The following MYO5C variants were observed in gnomAD, a reference collection of about 807,000 sequenced individuals.
MYO5C encodes the protein unconventional myosin-Vc.
A neutral mutation model predicts 235.7 loss-of-function variants in MYO5C; 194 were observed. That is an observed-to-expected ratio of 0.82 (90% confidence interval 0.73 to 0.93). MYO5C has a LOEUF of 0.93. Ranked by LOEUF, MYO5C falls within the 40% of genes least tolerant of loss-of-function variation. MYO5C has a pLI of 0.00. For missense variants in MYO5C, 2,038 were observed against 2,127.2 expected, an observed-to-expected ratio of 0.96 and a Z score of 0.82; for synonymous variants, 707 against 754.8, an observed-to-expected ratio of 0.94 and a Z score of 1.04.
chr15:52,206,430 C>G (rs1382412334), intron 36 of MYO5C, among the ~76,000 whole-genome samples: 1 of 152,064 alleles, frequency 6.6e-6, no homozygotes, highest in Non-Finnish European at 1.5e-5. Context: ...AAGCCCTAAC[C>G]CCCTAGTGTG....
chr15:52,290,395 TA>T (rs200340658), intron 1 of MYO5C, among the ~76,000 whole-genome samples: 13 of 150,354 alleles, frequency 8.6e-5, no homozygotes, highest in African/African-American at 2.7e-4. Flanking sequence ...TTAGCCAAAT[TA>T]AAAAAAAAAT....
At chr15:52,223,498 A>G (rs778583683) in intron 29 of MYO5C, 46 bp downstream of exon 29, 1 of 1,564,450 alleles carries the variant, frequency 6.4e-7, no homozygotes, top group African/African-American at 1.4e-5. Context: ...ACAAAGAACA[A>G]CTCTAGTATG....
chr15:52,253,605 T>C (rs2036517944), intron 11 of MYO5C, 148 bp from the exon 12 acceptor site: 2 of 754,956 alleles, frequency 2.6e-6, no homozygotes, highest in East Asian at 2.7e-5. Context: ...ACAAGGCCCA[T>C]ACCGTGATCA....
chr15:52,247,664 A>G lies in MYO5C; in HGVS notation c.1747-72T>C, dbSNP rs562773591. ...AGTACTCACTCATACAAGCCACGTAAATGGTGACAACAACTCAGCTAAACT... is the reference window on the plus strand; with the variant it reads ...AGTACTCACTCATACAAGCCACGTAGATGGTGACAACAACTCAGCTAAACT... On this transcript the variant is annotated intron_variant, in intron 14 of 40. Coordinates refer to ENST00000261839, the MANE Select transcript of MYO5C (RefSeq NM_018728.4). 26 of 1,543,268 alleles carry G rather than the reference A, an allele frequency of 1.7e-5. No homozygotes were observed. In the East Asian group the frequency reaches 5.7e-4, roughly 34 times the overall value.
In MYO5C at chr15:52,237,507, T is replaced by C; in HGVS notation, c.2843A>G (p.Lys948Arg). 6.2e-7 allele frequency: 1 copy of C among 1,613,410 alleles called. No homozygotes were observed. Among genetic ancestry groups the C allele is most frequent in the Middle Eastern group, 1.7e-4 (1 of 6,058 alleles). The stretch of plus-strand genomic sequence containing the variant: ...CTCTTCCACAGCATCCCTGTATCTC[T>C]TCCCCTTCTCCTCGTAATTTCGCCT... ...THRRNYEEKG[K>R]RYRDAVEEKL... Residue 948 changes from lysine (K) to arginine (R), a missense_variant, in exon 22 of 41, where the codon AAG (lysine) becomes AGG (arginine). Lys to Arg is a conservative substitution (Grantham distance 26). Coordinates refer to ENST00000261839, the MANE Select transcript of MYO5C (RefSeq NM_018728.4).
intron 9 of MYO5C, among the ~76,000 whole-genome samples, chr15:52,263,562 C>T (rs2036737823): frequency 6.6e-6 from 1 of 152,182 alleles, no homozygotes. Context: ...GCCTCATCCA[C>T]ACCCTCCCTG....
At chr15:52,261,218 G>T in intron 9 of MYO5C, 91 bp from the exon 10 acceptor site, 9 of 1,456,920 alleles carry the variant, frequency 6.2e-6, no homozygotes, top group Admixed American at 2.0e-5. Flanking sequence ...CCACACTCAG[G>T]CCTGTGCAAG....
chr15:52,253,470 A>C lies in MYO5C; in HGVS notation c.1396-13T>G, dbSNP rs2036516001. 2.5e-6 allele frequency: 4 copies of C among 1,608,366 alleles called. No individual in the cohort carries two copies. In the South Asian group the frequency reaches 4.4e-5, roughly 18 times the overall value. On this transcript the variant is annotated splice_polypyrimidine_tract_variant and intron_variant, in intron 11 of 40. Coordinates refer to ENST00000261839, the MANE Select transcript of MYO5C (RefSeq NM_018728.4). The stretch of plus-strand genomic sequence containing the variant: ...GTTTGAAGACATGCTGGGAATCCAA[A>C]GTTAATACAGAAAGTAAAACAGAAT...
intron 34 of MYO5C, among the ~76,000 whole-genome samples, chr15:52,212,740 G>A (rs746563303): frequency 1.1e-4 from 17 of 152,170 alleles, no homozygotes; most frequent in Non-Finnish European, 2.2e-4. Context: ...CACATTGCCC[G>A]CAGAGAAATT....
chr15:52,206,554 G>A (rs377344117), intron 36 of MYO5C, among the ~76,000 whole-genome samples: 13 of 152,228 alleles, frequency 8.5e-5, no homozygotes, highest in African/African-American at 2.6e-4. Flanking sequence ...ACACCAGAGA[G>A]AGCTTGCCCT....
intron 8 of MYO5C, among the ~76,000 whole-genome samples, chr15:52,266,329 C>T (rs1264671342): frequency 2.0e-5 from 3 of 152,134 alleles, no homozygotes; most frequent in African/African-American, 4.8e-5. Context: ...CCAAGGTGTT[C>T]GTCCCATCAG....
At chr15:52,213,739 A>G (rs573433621) in intron 33 of MYO5C, among the ~76,000 whole-genome samples, 3 of 152,340 alleles carry the variant, frequency 2.0e-5, no homozygotes, top group African/African-American at 7.2e-5. Context: ...AAACAACACA[A>G]ATGTTTAATC....
chr15:52,258,555 T>A (rs1468853023), intron 10 of MYO5C, among the ~76,000 whole-genome samples: 2 of 152,234 alleles, frequency 1.3e-5, no homozygotes, highest in African/African-American at 4.8e-5. Flanking sequence ...AGATGCTAAG[T>A]CTTCCTTTGA....
At position 52,264,276 on chromosome 15, in the gene MYO5C, T is replaced by C. The variant is rs1566985764; in HGVS notation, c.961A>G (p.Met321Val). The C allele has an allele frequency of 1.9e-6, 3 of 1,614,060 alleles. No individual in the cohort carries two copies. The highest frequency in any genetic ancestry group is 2.2e-5 in the South Asian group (2 of 91,068). ...GCTGCCAGGATTTTAAAAACGTCCA[T>C]CTGAAAATCCTCCTTGAAACCTAAA... ...TLLGFKEDFQMDVFKILAAIL... is the reference protein window; with the variant it reads ...TLLGFKEDFQVDVFKILAAIL... The change falls in exon 9 of 41, where the codon ATG (methionine) becomes GTG (valine). Residue 321 changes from methionine to valine, a missense_variant. By Grantham distance (21) the Met-to-Val change is conservative. Coordinates refer to ENST00000261839, the MANE Select transcript of MYO5C (RefSeq NM_018728.4).
Position 52,282,751 on chromosome 15 carries a change from C to T in MYO5C, c.138+31G>A, listed in dbSNP as rs966031349. 28 of 1,443,430 alleles carry T rather than the reference C, an allele frequency of 1.9e-5. No homozygotes were observed. In the East Asian group the frequency reaches 5.0e-4, roughly 26 times the overall value. 89.4% of individuals were successfully genotyped at this position (1,443,430 alleles called of 1,614,324 possible). A position where few individuals can be genotyped will look rare whatever the true frequency, so the allele number is the denominator to read the frequency against. Reference sequence around the variant, plus strand: ...ACACCCCAGCTACCGCTTTACACATCGACGTAGCTGTGAACAGCAAGGACC... The same window carrying T: ...ACACCCCAGCTACCGCTTTACACATTGACGTAGCTGTGAACAGCAAGGACC... On this transcript the variant is annotated intron_variant, in intron 2 of 40. Coordinates refer to ENST00000261839, the MANE Select transcript of MYO5C (RefSeq NM_018728.4).
intron 18 of MYO5C, 58 bp downstream of exon 18, chr15:52,245,296 G>A (rs1342510424): frequency 1.8e-6 from 2 of 1,123,796 alleles, no homozygotes; most frequent in African/African-American, 1.5e-5. Flanking sequence ...GAAACAGCAT[G>A]TTTGGGAGAT....
intron 38 of MYO5C, among the ~76,000 whole-genome samples, chr15:52,202,202 C>A (rs764136585): frequency 7.2e-5 from 11 of 152,196 alleles, no homozygotes; most frequent in Admixed American, 5.9e-4. Context: ...CATGGTGAAA[C>A]CCCGTCTCTA....
Position 52,295,649 on chromosome 15 carries a change from C to A in MYO5C, c.-13G>T. 2 of 1,459,950 alleles carry A rather than the reference C, an allele frequency of 1.4e-6. No individual in the cohort carries two copies. The highest frequency in any genetic ancestry group is 1.4e-5 in the South Asian group (1 of 73,300). The allele number at this position is 1,459,950 out of a possible 1,614,324, so 90.4% of individuals were successfully genotyped here. A position where few individuals can be genotyped will look rare whatever the true frequency, so the allele number is the denominator to read the frequency against. On this transcript the variant is annotated 5_prime_UTR_variant, in exon 1 of 41. Coordinates refer to ENST00000261839, the MANE Select transcript of MYO5C (RefSeq NM_018728.4). ...CGGCCACCGCCATGGGCAGGAGGGG[C>A]CGGGGCCAGGCCGGGGCTGCCGAAC...
intron 1 of MYO5C, among the ~76,000 whole-genome samples, chr15:52,285,594 C>T (rs1186807012): frequency 1.3e-5 from 2 of 152,242 alleles, no homozygotes; most frequent in Non-Finnish European, 2.9e-5. Flanking sequence ...CCTGATTCTC[C>T]TGCCTCAGCC....
Sources: gnomAD v4.1 joint callset for allele counts (sites outside exome capture counted in the v4.1 genomes callset) on GRCh38, gnomAD v4.1.1 for gene constraint, MANE v1.5 for transcripts, NCBI Gene and HGNC (gene_info 2026-07-23, HGNC 2026-07-21) for gene names.